LONP2: variants seen among roughly 807,000 people sequenced by gnomAD.
The protein encoded by LONP2 is lon peptidase 2, peroxisomal, also known as lon protease homolog 2, peroxisomal.
A neutral mutation model predicts 85.6 loss-of-function variants in LONP2; 60 were observed. The observed-to-expected ratio is 0.70, with a 90% confidence interval of 0.57 to 0.87. LONP2 has a LOEUF of 0.87. Among genes scored for constraint, LONP2 ranks in the 40% least tolerant of loss-of-function variants. The probability of loss-of-function intolerance (pLI) is 0.00; values close to 1 mark genes in which losing one functional copy is unlikely to be tolerated. For synonymous variants in LONP2, 395 were observed against 389.7 expected (o/e 1.01, Z -0.16); for missense variants, 860 against 1,063.5 (o/e 0.81, Z 2.66).
chr16:48,302,576 C>A (rs1381182388), intron 10 of LONP2, among the ~76,000 whole-genome samples: 1 of 152,196 alleles, frequency 6.6e-6, no homozygotes, highest in African/African-American at 2.4e-5. Flanking sequence ...CTGCTTAAAC[C>A]ACACATAGCA....
In LONP2 at chr16:48,265,497, T is replaced by C. The variant is rs190149825; in HGVS notation, c.982+2625T>C. Among the ~76,000 whole-genome samples, 18 of 152,190 alleles carry C rather than the reference T, an allele frequency of 1.2e-4. No individual in the cohort carries two copies. The East Asian group carries it at 3.1e-3, about 26-fold the overall frequency. On this transcript the variant is annotated intron_variant, in intron 6 of 14. Transcript: ENST00000285737. ...CTGCCCTTTCCCTATTGTATATTCTTGGTGCCCTTGTTGAAAATTGGTTGA... is the reference window on the plus strand; with the variant it reads ...CTGCCCTTTCCCTATTGTATATTCTCGGTGCCCTTGTTGAAAATTGGTTGA...
At chr16:48,263,060 T>A (rs1364124681) in intron 6 of LONP2, among the ~76,000 whole-genome samples, 188 bp downstream of exon 6, 1 of 152,218 alleles carries the variant, frequency 6.6e-6, no homozygotes, top group Non-Finnish European at 1.5e-5. Context: ...TGAATACATC[T>A]CAGTGAGTTT....
chr16:48,247,217 T>TAAAAA (rs78085763), intron 1 of LONP2: 3 of 141,852 alleles, frequency 2.1e-5, no homozygotes, highest in Admixed American at 6.9e-5. Flanking sequence ...ACACTCTACT[T>TAAAAA]AAAAAAAAAA....
intron 12 of LONP2, among the ~76,000 whole-genome samples, chr16:48,341,670 G>C (rs754281951): frequency 6.6e-5 from 10 of 152,196 alleles, no homozygotes; most frequent in Non-Finnish European, 1.3e-4. Flanking sequence ...ACTTAGCCTA[G>C]ATTTCAGATT....
intron 10 of LONP2, among the ~76,000 whole-genome samples, chr16:48,302,459 A>G (rs1202308937): frequency 1.3e-5 from 2 of 152,212 alleles, no homozygotes; most frequent in African/African-American, 4.8e-5. Flanking sequence ...GATCCTGTCC[A>G]TTCAGGTCCA....
At chr16:48,341,716 A>G (rs892337788) in intron 12 of LONP2, among the ~76,000 whole-genome samples, 1 of 152,240 alleles carries the variant, frequency 6.6e-6, no homozygotes, top group Non-Finnish European at 1.5e-5. Flanking sequence ...TTCAAAATAC[A>G]TAAAGTTTCC....
In LONP2 at chr16:48,356,512, TA is replaced by T. The variant is rs535516550; in HGVS notation, c.*4731del. 6,392 of 82,106 alleles carry T rather than the reference TA, an allele frequency of 0.078. 177 individuals are homozygous for T. Among genetic ancestry groups the T allele is most frequent in the African/African-American group, 0.14 (3,450 of 25,136 alleles). 5.1% of individuals were successfully genotyped at this position (82,106 alleles called of 1,614,324 possible). On this transcript the variant is annotated 3_prime_UTR_variant, in exon 15 of 15. Transcript: ENST00000285737. ...TGCCATGAAAATTGTATCCAGCAGC[TA>T]AAAAAAAAAAAAAAAAAAAAGACTA...
chr16:48,268,143 C>T (rs956142520), intron 6 of LONP2, among the ~76,000 whole-genome samples: 2 of 152,092 alleles, frequency 1.3e-5, no homozygotes, highest in African/African-American at 4.8e-5. Flanking sequence ...TTATTCAAAA[C>T]AGGAAGCATG....
chr16:48,334,204 T>A lies in LONP2; in HGVS notation c.1796-12T>A, dbSNP rs774043439. On this transcript the variant is annotated splice_polypyrimidine_tract_variant and intron_variant, in intron 11 of 14. Transcript: ENST00000285737. ...CTCTTAGAACTTCTAAATACATTTT[T>A]TTTTCTTTTAGGTTGCAGAGAACAC... is the stretch of plus-strand genomic sequence containing the variant. 18 of 1,610,096 alleles carry A rather than the reference T, an allele frequency of 1.1e-5. No individual in the cohort carries two copies. Among genetic ancestry groups the A allele is most frequent in the Middle Eastern group, 1.6e-4 (1 of 6,078 alleles).
At chr16:48,274,816 A>G (rs1972173153) in intron 7 of LONP2, among the ~76,000 whole-genome samples, 1 of 152,188 alleles carries the variant, frequency 6.6e-6, no homozygotes, top group South Asian at 2.1e-4. Flanking sequence ...AAGTAACAGA[A>G]TTGTAATCCT....
chr16:48,361,575 C>T, downstream of LONP2: 2 of 1,609,986 alleles, frequency 1.2e-6, no homozygotes, highest in South Asian at 1.1e-5. Context: ...TGTTTGATTG[C>T]CATTTCAACA....
rs371634101 is a variant in LONP2, at chr16:48,299,576, T to C, written c.1535-86T>C. The stretch of plus-strand genomic sequence containing the variant: ...CAGCCTGGGCGACAGAGCAAGACTC[T>C]GTCTCTAAAAAAAAAAACAAAAAAC... On this transcript the variant is annotated intron_variant, in intron 9 of 14. Transcript: ENST00000285737. 2.1e-6 allele frequency: 3 copies of C among 1,430,830 alleles called. No individual in the cohort carries two copies. The African/African-American group carries it at 4.3e-5, about 21-fold the overall frequency. 88.6% of individuals were successfully genotyped at this position (1,430,830 alleles called of 1,614,324 possible).
intron 6 of LONP2, among the ~76,000 whole-genome samples, chr16:48,267,947 C>T (rs773529838): frequency 1.3e-5 from 2 of 151,982 alleles, no homozygotes; most frequent in Non-Finnish European, 2.9e-5. Flanking sequence ...GAGAAGTTTA[C>T]CTACCAAGTA....
chr16:48,346,802 G>T (rs769947879), intron 12 of LONP2, among the ~76,000 whole-genome samples: 12 of 151,606 alleles, frequency 7.9e-5, no homozygotes, highest in Non-Finnish European at 1.8e-4. Flanking sequence ...TCTACTTTTT[G>T]AAACAAATTC....
At position 48,318,920 on chromosome 16, in the gene LONP2, C is replaced by A. The variant is rs186906812; in HGVS notation, c.1796-15296C>A. Among the ~76,000 whole-genome samples, 18 of 151,970 alleles carry A rather than the reference C, an allele frequency of 1.2e-4. No individual in the cohort carries two copies. In the East Asian group the frequency reaches 3.3e-3, roughly 28 times the overall value. ...TAGTTATTTTAAGTGCAGCTCCTTC[C>A]TCAACCAAAACAGGAAGCTGGCTCT... On this transcript the variant is annotated intron_variant, in intron 11 of 14. Coordinates refer to ENST00000285737, the MANE Select transcript of LONP2 (RefSeq NM_031490.5).
At chr16:48,315,789 G>A (rs746946710) in intron 11 of LONP2, among the ~76,000 whole-genome samples, 1 of 151,718 alleles carries the variant, frequency 6.6e-6, no homozygotes, top group Non-Finnish European at 1.5e-5. Flanking sequence ...ATTCTGAGAA[G>A]AGAGCCCTTC....
At chr16:48,293,285 G>A (rs775763867) in intron 8 of LONP2, among the ~76,000 whole-genome samples, 7 of 152,090 alleles carry the variant, frequency 4.6e-5, no homozygotes, top group Non-Finnish European at 7.4e-5. Flanking sequence ...AAAAGTAGCC[G>A]TGCATGGTGG....
intron 11 of LONP2, among the ~76,000 whole-genome samples, chr16:48,320,816 G>A (rs990418659): frequency 6.6e-6 from 1 of 152,108 alleles, no homozygotes; most frequent in African/African-American, 2.4e-5. Flanking sequence ...TTCAATGAAG[G>A]CAAAAATCTA....
intron 8 of LONP2, among the ~76,000 whole-genome samples, chr16:48,293,067 GTCTGACAGCCATT>G: frequency 6.6e-6 from 1 of 152,208 alleles, no homozygotes; most frequent in East Asian, 1.9e-4. Flanking sequence ...ACTTGTTCAA[GTCTGACAGCCATT>G]TCTAAAACAT....
Sources: gnomAD v4.1 joint callset for allele counts (sites outside exome capture counted in the v4.1 genomes callset) on GRCh38, gnomAD v4.1.1 for gene constraint, MANE v1.5 for transcripts, NCBI Gene and HGNC (gene_info 2026-07-23, HGNC 2026-07-21) for gene names.